The following RECK variants were observed in gnomAD, a reference collection of about 807,000 sequenced individuals.
RECK encodes the protein reversion-inducing cysteine-rich protein with Kazal motifs.
Under a neutral mutation model 115.1 loss-of-function variants are expected in RECK, and 69 were observed. The observed-to-expected ratio is 0.60, with a 90% confidence interval of 0.49 to 0.73. The LOEUF (loss-of-function observed/expected upper bound fraction) is 0.73, where lower values mean the gene tolerates loss of function less well. Among genes scored for constraint, RECK ranks in the 30% least tolerant of loss-of-function variants. The pLI is 0.00. For synonymous variants in RECK, 414 were observed against 419.7 expected, an observed-to-expected ratio of 0.99 and a Z score of 0.17; for missense variants, 1,047 against 1,203.7, an observed-to-expected ratio of 0.87 and a Z score of 1.93.
At chr9:36,100,632 T>C in intron 11 of RECK, 89 bp downstream of exon 11, 2 of 975,532 alleles carry the variant, frequency 2.1e-6, no homozygotes, top group Non-Finnish European at 3.1e-6. Context: ...ATTTTCTCTC[T>C]TACCACTTCC....
At chr9:36,122,301 T>G (rs1824491391) in intron 20 of RECK, among the ~76,000 whole-genome samples, 1 of 152,224 alleles carries the variant, frequency 6.6e-6, no homozygotes, top group Non-Finnish European at 1.5e-5. Context: ...TTCCTTTTCA[T>G]GTTTCAATGG....
intron 20 of RECK, 133 bp downstream of exon 20, chr9:36,121,821 G>T: frequency 2.2e-6 from 2 of 917,688 alleles, no homozygotes. Context: ...AGTTCAGCGG[G>T]ACAGGAGGGA....
chr9:36,112,699 G>A (rs1451495751), intron 16 of RECK, among the ~76,000 whole-genome samples: 2 of 152,208 alleles, frequency 1.3e-5, no homozygotes, highest in Non-Finnish European at 2.9e-5. Flanking sequence ...AAGGCCCTGG[G>A]GGAGCCTCTA....
At chr9:36,113,224 A>T (rs1824131712) in intron 16 of RECK, among the ~76,000 whole-genome samples, 2 of 152,306 alleles carry the variant, frequency 1.3e-5, no homozygotes, top group South Asian at 4.1e-4. Flanking sequence ...CAGAGTGTTT[A>T]TTGGATTGCC....
intron 16 of RECK, among the ~76,000 whole-genome samples, chr9:36,112,874 G>A (rs1277285493): frequency 6.6e-6 from 1 of 152,180 alleles, no homozygotes; most frequent in Admixed American, 6.5e-5. Flanking sequence ...TGTCTGTTGG[G>A]CACTAAAGCA....
chr9:36,071,839 G>A (rs1282722362), intron 6 of RECK, among the ~76,000 whole-genome samples: 1 of 152,122 alleles, frequency 6.6e-6, no homozygotes, highest in Non-Finnish European at 1.5e-5. Flanking sequence ...AGACTGTTGA[G>A]GATTCTGTCT....
At chr9:36,063,361 G>A (rs1307947068) in intron 4 of RECK, among the ~76,000 whole-genome samples, 4 of 152,082 alleles carry the variant, frequency 2.6e-5, no homozygotes, top group Non-Finnish European at 2.9e-5. Flanking sequence ...GCTATTCTAG[G>A]TATTTACTGT....
intron 6 of RECK, among the ~76,000 whole-genome samples, chr9:36,076,233 C>T (rs1187975111): frequency 6.6e-6 from 1 of 152,126 alleles, no homozygotes; most frequent in Non-Finnish European, 1.5e-5. Context: ...TCTGAATGCA[C>T]CCAAAGCAAG....
rs1322598598 is a variant in RECK at position 36,109,998 on chromosome 9, T to C, written c.1807T>C (p.Cys603Arg). 1.2e-6 allele frequency: 2 copies of C among 1,613,870 alleles called. No homozygotes were observed. The highest frequency in any genetic ancestry group is 2.2e-5 in the South Asian group (2 of 91,080). ...TAGTATTGACTGCAATGTCTGTTCT[T>C]GTTTTGCTGGCAATTTGGTGTGCTC... is the stretch of plus-strand genomic sequence containing the variant. ...SFSIDCNVCS[C>R]FAGNLVCSTR... is the part of the protein sequence containing the mutation. Residue 603 changes from cysteine to arginine, a missense_variant, in exon 15 of 21, where the codon TGT becomes CGT. Cys to Arg is a radical substitution (Grantham distance 180). Transcript: ENST00000377966.
chr9:36,075,533 A>G (rs1034322300), intron 6 of RECK, among the ~76,000 whole-genome samples: 2 of 152,206 alleles, frequency 1.3e-5, no homozygotes, highest in African/African-American at 4.8e-5. Flanking sequence ...CTCCTTACAT[A>G]TTCTAGTCAT....
intron 15 of RECK, among the ~76,000 whole-genome samples, chr9:36,112,097 T>G (rs1587089169): frequency 1.7e-5 from 2 of 116,704 alleles, no homozygotes; most frequent in Non-Finnish European, 3.2e-5. Context: ...CACTCCAGCC[T>G]GGGCGACACA....
chr9:36,095,696 G>A (rs7854409), intron 10 of RECK, among the ~76,000 whole-genome samples: 3,824 of 151,952 alleles, frequency 0.025, 173 homozygotes, highest in African/African-American at 0.086. Context: ...CAGCAGTTTG[G>A]GAGGCTGAGG....
At chr9:36,087,223 A>G (rs1823000640) in intron 8 of RECK, among the ~76,000 whole-genome samples, 3 of 152,220 alleles carry the variant, frequency 2.0e-5, no homozygotes, top group African/African-American at 7.2e-5. Context: ...TCACAGTAGC[A>G]AAGACTTAGA....
chr9:36,104,292 G>GTATATATATATATA (rs11273343), intron 12 of RECK, among the ~76,000 whole-genome samples: 21 of 43,864 alleles, frequency 4.8e-4, no homozygotes, highest in Admixed American at 1.7e-3. Flanking sequence ...GTGTGTGTGT[G>GTATATATATATATA]TATATATATA....
At chr9:36,073,433 A>G (rs1416149245) in intron 6 of RECK, among the ~76,000 whole-genome samples, 1 of 152,122 alleles carries the variant, frequency 6.6e-6, no homozygotes, top group Non-Finnish European at 1.5e-5. Context: ...TCTCAAGCCT[A>G]AAGAGTTGCC....
intron 15 of RECK, among the ~76,000 whole-genome samples, chr9:36,110,934 G>A (rs1824018590): frequency 6.6e-6 from 1 of 152,090 alleles, no homozygotes; most frequent in Admixed American, 6.5e-5. Context: ...AGTAGAGGTA[G>A]GACGAACACT....
At chr9:36,078,099 T>C (rs907153704) in intron 6 of RECK, among the ~76,000 whole-genome samples, 1 of 152,250 alleles carries the variant, frequency 6.6e-6, no homozygotes, top group African/African-American at 2.4e-5. Flanking sequence ...TGAATGGGCA[T>C]GTCTGTCTTC....
rs1431266124 is a variant in RECK at position 36,120,039 on chromosome 9, CCTGA to C, written c.2465-621_2465-618del. Among the ~76,000 whole-genome samples, 9 of 152,118 alleles carry C rather than the reference CCTGA, an allele frequency of 5.9e-5. No individual in the cohort carries two copies. The East Asian group carries it at 1.7e-3, about 29-fold the overall frequency. ...CACGAGATCAGGAGATCGAAACCAT[CCTGA>C]CTAACACGGTGAAACCCTGTCTCTA... is the stretch of plus-strand genomic sequence containing the variant. On this transcript the variant is annotated intron_variant, in intron 18 of 20. Transcript: ENST00000377966.
intron 1 of RECK, among the ~76,000 whole-genome samples, chr9:36,038,744 T>A (rs1588255571): frequency 1.3e-5 from 2 of 152,094 alleles, no homozygotes; most frequent in African/African-American, 4.8e-5. Flanking sequence ...GTCTTATAAA[T>A]TCACAAAACA....
Sources: allele counts gnomAD v4.1 joint callset (sites outside exome capture counted in the v4.1 genomes callset), GRCh38; gene constraint gnomAD v4.1.1; transcripts MANE v1.5; gene names NCBI Gene and HGNC (gene_info 2026-07-23, HGNC 2026-07-21).